The following NEGR1 variants were observed in gnomAD, a reference collection of about 807,000 sequenced individuals.
The protein encoded by NEGR1 is neuronal growth regulator 1.
In NEGR1, 10 loss-of-function variants were observed where a neutral mutation model predicts 40.9. That is an observed-to-expected ratio of 0.24 (90% confidence interval 0.15 to 0.42). NEGR1 has a LOEUF of 0.42. Among genes scored for constraint, NEGR1 ranks in the 10% least tolerant of loss-of-function variants. The pLI, the probability that NEGR1 is intolerant of heterozygous loss-of-function variation, is 1.00. For synonymous variants in NEGR1, 185 were observed against 166.8 expected, an observed-to-expected ratio of 1.11 and a Z score of -0.84; for missense variants, 352 against 438.9, an observed-to-expected ratio of 0.80 and a Z score of 1.77.
At chr1:72,034,308 C>G (rs905968130) in intron 1 of NEGR1, among the ~76,000 whole-genome samples, 1 of 152,224 alleles carries the variant, frequency 6.6e-6, no homozygotes, top group South Asian at 2.1e-4. Flanking sequence ...AGAAGGGGTT[C>G]CATTGTGCAT....
chr1:71,698,174 C>T lies in NEGR1; in HGVS notation c.536-35G>A, dbSNP rs184229753. On this transcript the variant is annotated intron_variant, in intron 3 of 6. Coordinates refer to ENST00000357731, the MANE Select transcript of NEGR1 (RefSeq NM_173808.3). ...AGAATACAGCATGTTTAATTGTAGC[C>T]GCCTGAGGCTTCATTCAAGTAAAAC... 1.0e-4 allele frequency: 159 copies of T among 1,590,604 alleles called. No individual in the cohort carries two copies. The East Asian group carries it at 2.7e-3, about 27-fold the overall frequency.
chr1:72,102,340 C>T (rs1648978921), intron 1 of NEGR1, among the ~76,000 whole-genome samples: 1 of 151,888 alleles, frequency 6.6e-6, no homozygotes, highest in Non-Finnish European at 1.5e-5. Context: ...GCTCCATGGT[C>T]TTTATAAGTG....
At chr1:71,567,842 T>C (rs952253927) in intron 6 of NEGR1, among the ~76,000 whole-genome samples, 7 of 151,682 alleles carry the variant, frequency 4.6e-5, no homozygotes, top group African/African-American at 1.5e-4. Context: ...TTTGTTTTTT[T>C]TTTTATAAGA....
At chr1:71,882,934 A>G (rs560342954) in intron 2 of NEGR1, among the ~76,000 whole-genome samples, 3 of 152,270 alleles carry the variant, frequency 2.0e-5, no homozygotes, top group East Asian at 3.9e-4. Context: ...GGGAGAAAAT[A>G]TATGTAAAAT....
chr1:71,579,485 A>G (rs769346887), intron 6 of NEGR1, among the ~76,000 whole-genome samples: 13 of 152,208 alleles, frequency 8.5e-5, no homozygotes, highest in Non-Finnish European at 1.9e-4. Context: ...TTATGTCCCA[A>G]GCATGCAGTC....
At chr1:71,734,770 T>C (rs868021310) in intron 3 of NEGR1, among the ~76,000 whole-genome samples, 11 of 152,160 alleles carry the variant, frequency 7.2e-5, no homozygotes, top group East Asian at 1.9e-4. Context: ...ATTAAATTCA[T>C]CAGTGCCCTA....
chr1:72,087,187 A>C (rs1454962618), intron 1 of NEGR1, among the ~76,000 whole-genome samples: 1 of 152,106 alleles, frequency 6.6e-6, no homozygotes, highest in Non-Finnish European at 1.5e-5. Context: ...TGGGAGGCTG[A>C]GGTGGGGAAC....
chr1:71,596,306 GC>G (rs1649712223), intron 5 of NEGR1, among the ~76,000 whole-genome samples: 1 of 152,110 alleles, frequency 6.6e-6, no homozygotes, highest in African/African-American at 2.4e-5. Context: ...CTCCCTTCTG[GC>G]TTTTGCCAAT....
chr1:71,971,914 T>C (rs931995147), intron 1 of NEGR1, among the ~76,000 whole-genome samples: 1 of 152,250 alleles, frequency 6.6e-6, no homozygotes, highest in Non-Finnish European at 1.5e-5. Context: ...GGAACAGCGT[T>C]GGCTCTATAT....
chr1:72,059,428 G>A (rs114181385), intron 1 of NEGR1, among the ~76,000 whole-genome samples: 1,808 of 151,628 alleles, frequency 0.012, 35 homozygotes, highest in African/African-American at 0.041. Context: ...TTGCCTTGAC[G>A]TGTCAAGTTG....
At chr1:71,805,433 A>G (rs994931459) in intron 2 of NEGR1, among the ~76,000 whole-genome samples, 1 of 152,140 alleles carries the variant, frequency 6.6e-6, no homozygotes, top group Non-Finnish European at 1.5e-5. Context: ...ACCCAGTTTT[A>G]AAATTTCTCT....
intron 1 of NEGR1, among the ~76,000 whole-genome samples, chr1:72,075,229 A>C (rs995670493): frequency 2.0e-5 from 3 of 152,186 alleles, no homozygotes; most frequent in Non-Finnish European, 4.4e-5. Context: ...TTTTGAAAAT[A>C]TACAGGGAGC....
At chr1:71,548,272 G>A (rs1647966309) in intron 6 of NEGR1, among the ~76,000 whole-genome samples, 1 of 151,662 alleles carries the variant, frequency 6.6e-6, no homozygotes, top group South Asian at 2.1e-4. Flanking sequence ...TGGAGATGGG[G>A]CTGATTCTGT....
At chr1:71,473,932 T>C (rs963831684) in intron 6 of NEGR1, among the ~76,000 whole-genome samples, 6 of 152,062 alleles carry the variant, frequency 3.9e-5, no homozygotes, top group Admixed American at 1.3e-4. Context: ...TGGTCTTTAG[T>C]TCCTGCTGGA....
chr1:71,814,199 G>T (rs1658113369), intron 2 of NEGR1, among the ~76,000 whole-genome samples: 1 of 151,964 alleles, frequency 6.6e-6, no homozygotes, highest in South Asian at 2.1e-4. Context: ...TGCGGTTTTT[G>T]TCTTTAGTTC....
chr1:71,978,996 CAT>C (rs1338646744), intron 1 of NEGR1, among the ~76,000 whole-genome samples: 1 of 151,946 alleles, frequency 6.6e-6, no homozygotes, highest in African/African-American at 2.4e-5. Context: ...AAATATGGTA[CAT>C]ATACACTATA....
At chr1:71,918,216 CAAAAAAAAAAAAAAAAAAAAAAAAAAAA>C (rs1159908343) in intron 2 of NEGR1, among the ~76,000 whole-genome samples, 1 of 24,744 alleles carries the variant, frequency 4.0e-5, no homozygotes, top group South Asian at 2.3e-3. Flanking sequence ...GACTCTGTCT[CAAAAAAAAAAAAAAAAAAAAAAAAAAAA>C]AAAAAAAAAA....
At chr1:71,716,351 C>T (rs1324502989) in intron 3 of NEGR1, among the ~76,000 whole-genome samples, 1 of 151,998 alleles carries the variant, frequency 6.6e-6, no homozygotes, top group Non-Finnish European at 1.5e-5. Flanking sequence ...TTATCATGAG[C>T]ATCAAATGTA....
chr1:71,918,626 C>T (rs1661672232), intron 2 of NEGR1, among the ~76,000 whole-genome samples: 1 of 151,760 alleles, frequency 6.6e-6, no homozygotes, highest in Admixed American at 6.6e-5. Context: ...CCTTGAAAAA[C>T]ACACATAGCT....
Sources: gnomAD v4.1 joint callset for allele counts (sites outside exome capture counted in the v4.1 genomes callset) on GRCh38, gnomAD v4.1.1 for gene constraint, MANE v1.5 for transcripts, NCBI Gene and HGNC (gene_info 2026-07-23, HGNC 2026-07-21) for gene names.